DPP3: variants seen among roughly 807,000 people sequenced by gnomAD.
The protein encoded by DPP3 is dipeptidyl peptidase 3.
In DPP3, 64 loss-of-function variants were observed where a neutral mutation model predicts 89.8. That is an observed-to-expected ratio of 0.71 (90% confidence interval 0.58 to 0.88). The LOEUF (loss-of-function observed/expected upper bound fraction) is 0.88. Among genes scored for constraint, DPP3 ranks in the 40% least tolerant of loss-of-function variants. DPP3 has a pLI of 0.00. For missense variants in DPP3, 835 were observed against 972.5 expected, an observed-to-expected ratio of 0.86 and a Z score of 1.88; for synonymous variants, 377 against 404.3, an observed-to-expected ratio of 0.93 and a Z score of 0.81.
chr11:66,503,230 G>A (rs969602974), intron 16 of DPP3, among the ~76,000 whole-genome samples: 1 of 152,126 alleles, frequency 6.6e-6, no homozygotes, highest in Non-Finnish European at 1.5e-5. Flanking sequence ...GCCTCCCAAA[G>A]TGCTGGGATT....
Position 66,491,333 on chromosome 11 carries a change from G to C in DPP3, c.748G>C (p.Asp250His), listed in dbSNP as rs760832117. The C allele has an allele frequency of 1.2e-6, 2 of 1,614,002 alleles. No homozygotes were observed. The highest frequency in any genetic ancestry group is 1.7e-5 in the Admixed American group (1 of 59,992). ...AAGCCCTTTCCAGGTGACCCGGGGG[G>C]ACTACGCGCCCATCCTCCAGAAGGT... ...RGSPFQVTRG[D>H]YAPILQKVVE... The change falls in exon 7 of 18, where the codon GAC becomes CAC. Residue 250 changes from aspartate (D) to histidine (H), a missense_variant. Physicochemically the swap from Asp to His is moderately conservative, Grantham distance 81. Transcript: ENST00000531863.
In DPP3 at chr11:66,495,746, G is replaced by T. The variant is rs201682442; in HGVS notation, c.1694G>T (p.Arg565Leu). 9 of 1,606,110 alleles carry T rather than the reference G, an allele frequency of 5.6e-6. No individual in the cohort carries two copies. Among genetic ancestry groups the T allele is most frequent in the Non-Finnish European group, 5.9e-6 (7 of 1,176,768 alleles). ...EFYTPEAFNWRQAHMQARFVI... is the reference protein window; with the variant it reads ...EFYTPEAFNWLQAHMQARFVI... ...TACACACCTGAGGCCTTCAACTGGC[G>T]ACAGGTAGGGCCTAGGTGGAGCCCC... Residue 565 changes from arginine to leucine, a missense_variant, in exon 15 of 18, where the codon CGA becomes CTA. Transcript: ENST00000531863.
chr11:66,491,755 A>G lies in DPP3; in HGVS notation c.987A>G (p.Glu329=), dbSNP rs748321418. The G allele has an allele frequency of 3.1e-6, 5 of 1,613,682 alleles. No homozygotes were observed. The highest frequency in any genetic ancestry group is 4.2e-6 in the Non-Finnish European group (5 of 1,179,888). ...CCTTTGGTTCCCGAGGAGAATTTGA[A>G]GGTAACTTCCTCAGGGAGGAGGTCA... ...RDPFGSRGEF[E]GFVAVVNKAM... The change falls in exon 9 of 18, where the codon GAA becomes GAG. Residue 329 remains glutamate (E), a splice_region_variant and synonymous_variant. Coordinates refer to ENST00000531863, the MANE Select transcript of DPP3 (RefSeq NM_130443.4).
intron 1 of DPP3, chr11:66,481,156 G>T (rs1048785998): frequency 6.6e-6 from 1 of 152,166 alleles, no homozygotes; most frequent in African/African-American, 2.4e-5. Flanking sequence ...CTGGCGGCCT[G>T]GCACTTTATC....
intron 1 of DPP3, chr11:66,481,941 C>T (rs1358367665): frequency 1.9e-6 from 1 of 538,424 alleles, no homozygotes; most frequent in Non-Finnish European, 3.3e-6. Context: ...AGCCACCATG[C>T]CTGACCTTAG....
chr11:66,489,194 C>T (rs1855312950), intron 6 of DPP3, among the ~76,000 whole-genome samples: 1 of 152,120 alleles, frequency 6.6e-6, no homozygotes, highest in South Asian at 2.1e-4. Flanking sequence ...CAATCCATTC[C>T]CTGCTTCTCA....
intron 12 of DPP3, among the ~76,000 whole-genome samples, chr11:66,493,984 G>A (rs182546865): frequency 1.3e-4 from 20 of 152,256 alleles, no homozygotes; most frequent in African/African-American, 4.3e-4. Context: ...CCCTAAGGGC[G>A]TGCTTAGGGC....
At chr11:66,492,453 T>C (rs2134732025) in intron 9 of DPP3, 1 of 434,888 alleles carries the variant, frequency 2.3e-6, no homozygotes, top group African/African-American at 2.0e-5. Flanking sequence ...CACACACCTG[T>C]TGGGGCTCAG....
chr11:66,494,304 C>T lies in DPP3; in HGVS notation c.1389+671C>T, dbSNP rs186808078. 5.0e-3 allele frequency among the ~76,000 whole-genome samples: 761 copies of T among 151,870 alleles called. 8 individuals carry two copies. Among genetic ancestry groups the T allele is most frequent in the African/African-American group, 0.017 (696 of 41,434 alleles). The stretch of plus-strand genomic sequence containing the variant: ...GGGGTGAGGTGTGGCCCCTCCCCTC[C>T]GAGGGCGGGGTTCTGGGTGGGTCCT... On this transcript the variant is annotated intron_variant, in intron 12 of 17. Transcript: ENST00000531863.
chr11:66,495,496 G>A lies in DPP3; in HGVS notation c.1577+7G>A. 1 of 1,610,898 alleles carries A rather than the reference G, an allele frequency of 6.2e-7. No individual in the cohort carries two copies. The highest frequency in any genetic ancestry group is 2.2e-5 in the East Asian group (1 of 44,812). On this transcript the variant is annotated splice_region_variant and intron_variant, in intron 14 of 17. Transcript: ENST00000531863. Reference sequence around the variant, plus strand: ...TCCACCCGCAAGTGCTGGAGTAAGAGCAGCAGGGCCGAGGGGCGGGCTGTC... The same window carrying A: ...TCCACCCGCAAGTGCTGGAGTAAGAACAGCAGGGCCGAGGGGCGGGCTGTC...
intron 1 of DPP3, among the ~76,000 whole-genome samples, chr11:66,481,547 G>A (rs1855081110): frequency 6.6e-6 from 1 of 152,176 alleles, no homozygotes; most frequent in South Asian, 2.1e-4. Flanking sequence ...GCCTAGAGAT[G>A]AGGATCTCTG....
At chr11:66,501,522 A>T (rs1434445559) in intron 16 of DPP3, among the ~76,000 whole-genome samples, 1 of 151,898 alleles carries the variant, frequency 6.6e-6, no homozygotes, top group Non-Finnish European at 1.5e-5. Context: ...AGAAAATCAC[A>T]ATATATACAG....
chr11:66,503,915 G>A (rs1204203454), intron 16 of DPP3, among the ~76,000 whole-genome samples: 2 of 151,914 alleles, frequency 1.3e-5, no homozygotes, highest in Non-Finnish European at 2.9e-5. Flanking sequence ...ATTTATTTCT[G>A]GCAGTTCTGG....
chr11:66,507,510 G>A (rs916757304), intron 17 of DPP3, among the ~76,000 whole-genome samples: 2 of 151,788 alleles, frequency 1.3e-5, no homozygotes, highest in Admixed American at 6.6e-5. Context: ...ATCATACAAG[G>A]GAAGTGTTAA....
chr11:66,496,507 T>A, intron 15 of DPP3, among the ~76,000 whole-genome samples: 1 of 152,034 alleles, frequency 6.6e-6, no homozygotes, highest in East Asian at 1.9e-4. Context: ...CTCCATCTCC[T>A]GGGTTCACGC....
intron 16 of DPP3, among the ~76,000 whole-genome samples, chr11:66,499,204 T>A (rs1048228338): frequency 2.0e-5 from 3 of 151,532 alleles, no homozygotes; most frequent in Non-Finnish European, 4.4e-5. Context: ...CTACTAAAAA[T>A]ACAAAAAAAT....
At chr11:66,501,842 C>T (rs1478258813) in intron 16 of DPP3, among the ~76,000 whole-genome samples, 1 of 122,868 alleles carries the variant, frequency 8.1e-6, no homozygotes, top group African/African-American at 2.8e-5. Context: ...AAAAAAAAAG[C>T]AGGCAAGAAC....
Position 66,497,325 on chromosome 11 carries a change from C to T in DPP3, c.1726C>T (p.Leu576=), listed in dbSNP as rs567600069. Residue 576 remains leucine (L), a synonymous_variant, in exon 16 of 18, where the codon CTG becomes TTG. Transcript: ENST00000531863. ...QAHMQARFVI[L]RVLLEAGEGL... ...CCATATGCAGGCCCGGTTTGTGATC[C>T]TGAGAGTCTTGCTGGAGGCTGGCGA... is the stretch of plus-strand genomic sequence containing the variant. The T allele has an allele frequency of 8.7e-6, 14 of 1,613,994 alleles. No individual in the cohort carries two copies. In the South Asian group the frequency reaches 1.5e-4, roughly 18 times the overall value.
chr11:66,491,216 C>G (rs1393448783), intron 6 of DPP3, 37 bp from the exon 7 acceptor site: 2 of 1,611,206 alleles, frequency 1.2e-6, no homozygotes, highest in African/African-American at 2.7e-5. Flanking sequence ...GCCTCTTACT[C>G]CAGCCTTTTC....
Sources: gnomAD v4.1 joint callset for allele counts (sites outside exome capture counted in the v4.1 genomes callset) on GRCh38, gnomAD v4.1.1 for gene constraint, MANE v1.5 for transcripts, NCBI Gene and HGNC (gene_info 2026-07-23, HGNC 2026-07-21) for gene names.